Variants in TMTC2 observed in about 807,000 individuals in gnomAD.
TMTC2 encodes transmembrane O-mannosyltransferase targeting cadherins 2, also known as protein O-mannosyl-transferase TMTC2.
Under a neutral mutation model 82.4 loss-of-function variants are expected in TMTC2, and 43 were observed. The observed-to-expected ratio is 0.52, with a 90% CI of 0.41 to 0.67. The LOEUF is 0.67. TMTC2 is among the 30% of genes least tolerant of loss of function. The pLI is 0.00. For synonymous variants in TMTC2, 408 were observed against 381.9 expected, an observed-to-expected ratio of 1.07 and a Z score of -0.80; for missense variants, 919 against 1,012.4, an observed-to-expected ratio of 0.91 and a Z score of 1.25.
chr12:82,734,054 TTA>T (rs1330803365), intron 1 of TMTC2, among the ~76,000 whole-genome samples: 3 of 152,216 alleles, frequency 2.0e-5, no homozygotes, highest in Non-Finnish European at 4.4e-5. Flanking sequence ...AACTCTGTGT[TTA>T]TAATGTGCCT....
chr12:82,787,783 T>C lies in TMTC2; in HGVS notation c.84-69227T>C, dbSNP rs187070722. Among the ~76,000 whole-genome samples, 11 of 152,122 alleles carry C rather than the reference T, an allele frequency of 7.2e-5. No individual in the cohort carries two copies. The East Asian group carries it at 1.4e-3, about 19-fold the overall frequency. On this transcript the variant is annotated intron_variant, in intron 1 of 11. Transcript: ENST00000321196. Reference sequence around the variant, plus strand: ...AAAATTAGCCAGGCGTGGTGGTGTGTGCCCGTAGTCCCAGCTACTTGGGAG... The same window carrying C: ...AAAATTAGCCAGGCGTGGTGGTGTGCGCCCGTAGTCCCAGCTACTTGGGAG...
chr12:83,012,014 C>T (rs139286810), intron 8 of TMTC2, among the ~76,000 whole-genome samples: 52 of 152,162 alleles, frequency 3.4e-4, no homozygotes, highest in African/African-American at 7.9e-4. Context: ...TCAGTCAGGC[C>T]GTAACACTCA....
chr12:83,090,624 C>T (rs1883809663), intron 11 of TMTC2, among the ~76,000 whole-genome samples: 1 of 152,154 alleles, frequency 6.6e-6, no homozygotes, highest in African/African-American at 2.4e-5. Context: ...CCTCTCATTT[C>T]TCAAATCTGT....
intron 9 of TMTC2, among the ~76,000 whole-genome samples, chr12:83,039,022 C>G (rs1410321421): frequency 6.6e-6 from 1 of 151,394 alleles, no homozygotes; most frequent in Non-Finnish European, 1.5e-5. Context: ...ACCTCTGCCC[C>G]CCGGGTTCAA....
intron 9 of TMTC2, among the ~76,000 whole-genome samples, chr12:83,038,973 A>G (rs888690343): frequency 7.9e-6 from 1 of 126,016 alleles, no homozygotes; most frequent in Non-Finnish European, 1.6e-5. Context: ...CTCTTGTTGC[A>G]TAGGCTGGAG....
rs76217659 is a variant in TMTC2 at position 82,750,522 on chromosome 12, A to G, written c.83+62853A>G. ...CAGAAATAATCAAGTTGATTATTTT[A>G]TGATAATAGCTGATATGTAGAGAGG... On this transcript the variant is annotated intron_variant, in intron 1 of 11. Transcript: ENST00000321196. 6.0e-3 allele frequency among the ~76,000 whole-genome samples: 921 copies of G among 152,242 alleles called. 12 individuals are homozygous for G. Among genetic ancestry groups the G allele is most frequent in the African/African-American group, 0.021 (863 of 41,494 alleles).
chr12:83,078,038 G>A (rs1228233683), intron 11 of TMTC2, among the ~76,000 whole-genome samples: 1 of 152,070 alleles, frequency 6.6e-6, no homozygotes, highest in East Asian at 1.9e-4. Flanking sequence ...ATCAAGGGTA[G>A]GAGAATTCTT....
intron 1 of TMTC2, chr12:82,690,193 C>T (rs1031122354): frequency 3.3e-5 from 6 of 183,196 alleles, no homozygotes; most frequent in Non-Finnish European, 6.2e-5. Context: ...GCTGGGGAGC[C>T]AAGTGTAAAC....
intron 2 of TMTC2, among the ~76,000 whole-genome samples, chr12:82,881,868 A>G (rs1244140208): frequency 2.0e-5 from 3 of 152,226 alleles, no homozygotes; most frequent in Non-Finnish European, 2.9e-5. Context: ...TTACTTTTCA[A>G]GAAGATATTA....
intron 1 of TMTC2, among the ~76,000 whole-genome samples, chr12:82,729,558 T>G (rs920127864): frequency 2.0e-5 from 3 of 152,178 alleles, no homozygotes; most frequent in Non-Finnish European, 4.4e-5. Context: ...CTAGCTAGTC[T>G]CGTGGGGAAG....
intron 1 of TMTC2, among the ~76,000 whole-genome samples, chr12:82,717,195 T>C (rs528695145): frequency 6.6e-6 from 1 of 151,980 alleles, no homozygotes; most frequent in African/African-American, 2.4e-5. Flanking sequence ...TGTTTGCTGA[T>C]TTTACTTTAC....
At chr12:83,000,018 T>C (rs2137365227) in intron 8 of TMTC2, among the ~76,000 whole-genome samples, 1 of 152,276 alleles carries the variant, frequency 6.6e-6, no homozygotes, top group Middle Eastern at 3.4e-3. Flanking sequence ...AGCAAGTTAG[T>C]TAATTCCTAG....
intron 1 of TMTC2, among the ~76,000 whole-genome samples, chr12:82,777,974 T>C (rs1877685991): frequency 6.6e-6 from 1 of 152,126 alleles, no homozygotes; most frequent in Non-Finnish European, 1.5e-5. Context: ...ATCTAGTGAC[T>C]CAATTTTATT....
chr12:82,985,893 C>T (rs2137337615), intron 7 of TMTC2, 32 bp from the exon 8 acceptor site: 1 of 1,606,684 alleles, frequency 6.2e-7, no homozygotes, highest in Non-Finnish European at 8.5e-7. Context: ...CTGTATCCTC[C>T]CTTTGACCTT....
intron 1 of TMTC2, among the ~76,000 whole-genome samples, chr12:82,776,683 G>T (rs1009799070): frequency 6.6e-6 from 1 of 151,760 alleles, no homozygotes; most frequent in South Asian, 2.1e-4. Flanking sequence ...TACTTAGGAG[G>T]CTGAGGTGGG....
At chr12:82,916,371 A>G (rs1874999431) in intron 3 of TMTC2, among the ~76,000 whole-genome samples, 2 of 152,204 alleles carry the variant, frequency 1.3e-5, no homozygotes, top group African/African-American at 4.8e-5. Context: ...ACCATGTGCT[A>G]GTTTGTCAGA....
chr12:82,869,708 G>A (rs1325788521), intron 2 of TMTC2, among the ~76,000 whole-genome samples: 1 of 151,876 alleles, frequency 6.6e-6, no homozygotes, highest in Admixed American at 6.6e-5. Context: ...ATGCAGTGGT[G>A]TGCACCTGTA....
chr12:82,992,554 C>T (rs1879445545), intron 8 of TMTC2, among the ~76,000 whole-genome samples: 1 of 152,126 alleles, frequency 6.6e-6, no homozygotes, highest in Non-Finnish European at 1.5e-5. Flanking sequence ...GAAGTTTAAT[C>T]ACCACAATAT....
chr12:83,015,442 CAATT>C (rs1250339292), intron 8 of TMTC2, among the ~76,000 whole-genome samples: 1 of 152,148 alleles, frequency 6.6e-6, no homozygotes, highest in Non-Finnish European at 1.5e-5. Flanking sequence ...AATCAGGTGA[CAATT>C]AATCTGCACA....
Sources: gnomAD v4.1 joint callset for allele counts (sites outside exome capture counted in the v4.1 genomes callset) on GRCh38, gnomAD v4.1.1 for gene constraint, MANE v1.5 for transcripts, NCBI Gene and HGNC (gene_info 2026-07-23, HGNC 2026-07-21) for gene names.